Variants in RARA observed in about 807,000 individuals in gnomAD.
RARA encodes retinoic acid receptor alpha.
RARA carries 5 observed loss-of-function variants against 42.8 expected under a neutral mutation model. The ratio of observed to expected loss-of-function variants is 0.12; its 90% confidence interval spans 0.06 to 0.25. The LOEUF is 0.25. Ranked by LOEUF, RARA falls within the 10% of genes least tolerant of loss-of-function variation. The pLI, the probability that RARA is intolerant of heterozygous loss-of-function variation, is 1.00. For synonymous variants in RARA, 256 were observed against 259.5 expected, an observed-to-expected ratio of 0.99 and a Z score of 0.13; for missense variants, 402 against 628.7, an observed-to-expected ratio of 0.64 and a Z score of 3.86.
chr17:40,315,760 A>C (rs1361415680), intron 1 of RARA, among the ~76,000 whole-genome samples: 1 of 152,140 alleles, frequency 6.6e-6, no homozygotes, highest in Non-Finnish European at 1.5e-5. Context: ...GAGAACTGCC[A>C]CTGGCCCTGG....
Position 40,351,505 on chromosome 17 carries a change from C to T in RARA, c.470-405C>T, listed in dbSNP as rs2034450157. 1 of 475,096 alleles carries T rather than the reference C, an allele frequency of 2.1e-6. No homozygotes were observed. Among genetic ancestry groups the T allele is most frequent in the Non-Finnish European group, 4.3e-6 (1 of 230,220 alleles). 29.4% of individuals were successfully genotyped at this position (475,096 alleles called of 1,614,324 possible). A position where few individuals can be genotyped will look rare whatever the true frequency, so the allele number is the denominator to read the frequency against. On this transcript the variant is annotated intron_variant, in intron 4 of 8. Coordinates refer to ENST00000254066, the MANE Select transcript of RARA (RefSeq NM_000964.4). This position sits in a 1 kb window ranked among gnomAD's most constrained non-coding sequence, Gnocchi z 4.1. ...CTCAGAGCCAGTCCCAAGGGACCCC[C>T]AGGGAGACTGCAGCTGGGAGGGCTG...
At position 40,351,280 on chromosome 17, in the gene RARA, A is replaced by C; in HGVS notation, c.470-630A>C. The C allele has an allele frequency of 2.1e-5, 2 of 96,130 alleles. No homozygotes were observed. The highest frequency in any genetic ancestry group is 2.6e-4 in the South Asian group (1 of 3,834). The allele number at this position is 96,130 out of a possible 1,614,324, so 6.0% of individuals were successfully genotyped here. On this transcript the variant is annotated intron_variant, in intron 4 of 8. Transcript: ENST00000254066. The surrounding 1 kb of genome is among the most constrained non-coding windows in gnomAD (Gnocchi z 4.1). Reference sequence around the variant, plus strand: ...CCTTCCTCCCGCGTCAGCAGCCACCACCACCAGCCCTGTGAGTGATTGTGT... The same window carrying C: ...CCTTCCTCCCGCGTCAGCAGCCACCCCCACCAGCCCTGTGAGTGATTGTGT...
chr17:40,348,183 C>G, intron 2 of RARA, 133 bp from the exon 3 acceptor site: 3 of 1,210,494 alleles, frequency 2.5e-6, no homozygotes, highest in Non-Finnish European at 3.3e-6. Flanking sequence ...TCCCAGTTTT[C>G]TTAAGACTTG....
chr17:40,331,472 C>A, intron 2 of RARA, 76 bp downstream of exon 2: 1 of 1,485,828 alleles, frequency 6.7e-7, no homozygotes. Context: ...GCTCTGGGCA[C>A]GTCTGTTCTG....
At chr17:40,310,803 G>A (rs2033081227) in intron 1 of RARA, among the ~76,000 whole-genome samples, 1 of 152,112 alleles carries the variant, frequency 6.6e-6, no homozygotes, top group African/African-American at 2.4e-5. Flanking sequence ...CAGAGACAAT[G>A]TATCGTAAAG....
chr17:40,337,631 CA>C (rs2033893944), intron 2 of RARA, among the ~76,000 whole-genome samples: 1 of 152,146 alleles, frequency 6.6e-6, no homozygotes, highest in Non-Finnish European at 1.5e-5. Context: ...TAATTTGTTT[CA>C]ATTTGTGGAT....
chr17:40,349,633 T>C, intron 3 of RARA, 151 bp from the exon 4 acceptor site: 1 of 903,750 alleles, frequency 1.1e-6, no homozygotes, highest in Admixed American at 2.6e-5. Context: ...TGAATCATTC[T>C]CCCCAGCTTT....
intron 2 of RARA, among the ~76,000 whole-genome samples, chr17:40,332,526 G>T (rs1205108300): frequency 6.6e-6 from 1 of 152,184 alleles, no homozygotes; most frequent in Non-Finnish European, 1.5e-5. Flanking sequence ...CGGAGCCAGG[G>T]AGTCTCTTTG....
Position 40,355,272 on chromosome 17 carries a change from A to C in RARA, c.1022A>C (p.Asp341Ala). ...GGTTCTGCTTCCTCAGACCGCCAGG[A>C]CCTGGAGCAGCCGGACCGGGTGGAC... The part of the protein sequence containing the change: ...AICLICGDRQ[D>A]LEQPDRVDML... Residue 341 changes from aspartate (D) to alanine (A), a missense_variant, in exon 8 of 9, where the codon GAC (aspartate) becomes GCC (alanine). By Grantham distance (126) the Asp-to-Ala change is moderately radical (BLOSUM62 -2). Around this residue, in one of 5 missense-constraint regions of RARA, gnomAD observed 104 missense variants for 160.1 expected, o/e 0.65. Coordinates refer to ENST00000254066, the MANE Select transcript of RARA (RefSeq NM_000964.4). This position sits in a 1 kb window ranked among gnomAD's most constrained non-coding sequence, Gnocchi z 4.1. 1 of 1,578,350 alleles carries C rather than the reference A, an allele frequency of 6.3e-7. No homozygotes were observed. Among genetic ancestry groups the C allele is most frequent in the Non-Finnish European group, 8.6e-7 (1 of 1,161,528 alleles).
intron 2 of RARA, among the ~76,000 whole-genome samples, chr17:40,347,304 G>C (rs999341061): frequency 6.6e-6 from 1 of 152,210 alleles, no homozygotes; most frequent in Admixed American, 6.5e-5. Context: ...GGACGATGCT[G>C]CGTGGCCCCT....
intron 2 of RARA, among the ~76,000 whole-genome samples, chr17:40,332,033 C>T (rs914539750): frequency 2.0e-5 from 3 of 152,236 alleles, no homozygotes; most frequent in Non-Finnish European, 4.4e-5. Flanking sequence ...CATGCATGGT[C>T]TTGGCAGGGC....
Position 40,356,531 on chromosome 17 carries a change from C to T in RARA, c.*305C>T. ...GCCTCGTGTTCATCAAGACACCCCT[C>T]TGCCCAGCTCACCACATCTTCATCA... is the stretch of plus-strand genomic sequence containing the variant. On this transcript the variant is annotated 3_prime_UTR_variant, in exon 9 of 9. Coordinates refer to ENST00000254066, the MANE Select transcript of RARA (RefSeq NM_000964.4). The T allele has an allele frequency of 1.6e-6, 1 of 631,020 alleles. No homozygotes were observed. The allele number at this position is 631,020 out of a possible 1,614,324, so 39.1% of individuals were successfully genotyped here.
intron 1 of RARA, among the ~76,000 whole-genome samples, chr17:40,324,445 CA>C (rs2033481154): frequency 6.6e-6 from 1 of 152,212 alleles, no homozygotes; most frequent in Admixed American, 6.5e-5. Flanking sequence ...AGGTCCTGAC[CA>C]TGTCCCCCGG....
chr17:40,311,062 A>G (rs1317706744), intron 1 of RARA, among the ~76,000 whole-genome samples: 1 of 151,788 alleles, frequency 6.6e-6, no homozygotes, highest in Non-Finnish European at 1.5e-5. Context: ...GGGGCCCCAT[A>G]CTTGCTCCCC....
At position 40,355,266 on chromosome 17, in the gene RARA, G is replaced by A. The variant is rs1402577201; in HGVS notation, c.1016G>A (p.Arg339His). 3.2e-6 allele frequency: 5 copies of A among 1,571,414 alleles called. No homozygotes were observed. The highest frequency in any genetic ancestry group is 2.7e-5 in the African/African-American group (2 of 73,836). The change falls in exon 8 of 9, where the codon CGC becomes CAC. Residue 339 changes from arginine to histidine, a missense_variant. Transcript: ENST00000254066. The surrounding 1 kb of genome is among the most constrained non-coding windows in gnomAD (Gnocchi z 4.1). ...LSAICLICGD[R>H]QDLEQPDRVD... ...GGGGGTGGTTCTGCTTCCTCAGACC[G>A]CCAGGACCTGGAGCAGCCGGACCGG...
intron 2 of RARA, chr17:40,342,964 A>G (rs1455287809): frequency 4.0e-6 from 6 of 1,505,670 alleles, no homozygotes; most frequent in Non-Finnish European, 5.3e-6. Context: ...GGTGTAGTGG[A>G]GGTCCTGTCT....
At chr17:40,342,837 C>T in intron 2 of RARA, 3 of 1,613,052 alleles carry the variant, frequency 1.9e-6, no homozygotes, top group Non-Finnish European at 2.5e-6. Context: ...CACCCCGCTC[C>T]GGACTCCGCT....
At chr17:40,336,698 TTTTTG>T (rs2033861759) in intron 2 of RARA, among the ~76,000 whole-genome samples, 2 of 139,740 alleles carry the variant, frequency 1.4e-5, no homozygotes, top group South Asian at 4.6e-4. Context: ...TGTTGTTATT[TTTTTG>T]TTTTGTTTTT....
intron 1 of RARA, among the ~76,000 whole-genome samples, chr17:40,321,165 G>T (rs1419612589): frequency 1.3e-5 from 2 of 151,974 alleles, no homozygotes; most frequent in African/African-American, 4.8e-5. Flanking sequence ...GAATTGGCAG[G>T]ATTGGCTGAG....
Sources: allele counts gnomAD v4.1 joint callset (sites outside exome capture counted in the v4.1 genomes callset), GRCh38; gene constraint gnomAD v4.1.1; regional missense constraint gnomAD v4.1.1; non-coding constraint Gnocchi (gnomAD v3.1); transcripts MANE v1.5; gene names NCBI Gene and HGNC (gene_info 2026-07-23, HGNC 2026-07-21).